CRTC3: variants seen among roughly 807,000 people sequenced by gnomAD.
CRTC3 encodes the protein CREB-regulated transcription coactivator 3.
A neutral mutation model predicts 74.5 loss-of-function variants in CRTC3; 26 were observed. That is an observed-to-expected ratio of 0.35 (90% CI 0.26 to 0.48). The LOEUF (loss-of-function observed/expected upper bound fraction) is 0.48. Ranked by LOEUF, CRTC3 falls within the 20% of genes least tolerant of loss-of-function variation. The pLI is 0.99. For missense variants in CRTC3, 760 were observed against 787.3 expected, an observed-to-expected ratio of 0.97 and a Z score of 0.41; for synonymous variants, 377 against 325.8, an observed-to-expected ratio of 1.16 and a Z score of -1.69.
intron 2 of CRTC3, among the ~76,000 whole-genome samples, chr15:90,554,308 G>A (rs1966872002): frequency 6.6e-6 from 1 of 151,762 alleles, no homozygotes; most frequent in Non-Finnish European, 1.5e-5. Context: ...GGCTCAAGCA[G>A]TTCTCTGCCT....
At chr15:90,551,240 G>C (rs893229474) in intron 2 of CRTC3, among the ~76,000 whole-genome samples, 1 of 152,092 alleles carries the variant, frequency 6.6e-6, no homozygotes, top group African/African-American at 2.4e-5. Context: ...GGAAACTAAA[G>C]TACTAAGCAA....
rs1415659748 is a variant in CRTC3 at position 90,607,562 on chromosome 15, G to A, written c.577+84G>A. Reference sequence around the variant, plus strand: ...CAAGGGAGAGAGAAGCTGAAGTGGTGTTTGCGCTTCCCGGTTCAGTGATCT... The same window carrying A: ...CAAGGGAGAGAGAAGCTGAAGTGGTATTTGCGCTTCCCGGTTCAGTGATCT... On this transcript the variant is annotated intron_variant, in intron 6 of 14. Coordinates refer to ENST00000268184, the MANE Select transcript of CRTC3 (RefSeq NM_022769.5). The A allele has an allele frequency of 6.0e-6, 5 of 834,064 alleles. No individual in the cohort carries two copies. In the African/African-American group the frequency reaches 6.9e-5, roughly 11 times the overall value. 51.7% of individuals were successfully genotyped at this position (834,064 alleles called of 1,614,324 possible). A position where few individuals can be genotyped will look rare whatever the true frequency, so the allele number is the denominator to read the frequency against.
At chr15:90,635,461 A>G (rs887941376) in intron 11 of CRTC3, among the ~76,000 whole-genome samples, 8 of 152,118 alleles carry the variant, frequency 5.3e-5, no homozygotes, top group Non-Finnish European at 1.2e-4. Flanking sequence ...CCTGGCCAAC[A>G]TGGTGAAACC....
chr15:90,540,671 G>A (rs910249605), intron 2 of CRTC3, among the ~76,000 whole-genome samples: 5 of 152,164 alleles, frequency 3.3e-5, no homozygotes, highest in African/African-American at 1.2e-4. Context: ...TACTTGGGAA[G>A]CTGAGGCATG....
chr15:90,551,336 T>C (rs1402111498), intron 2 of CRTC3, among the ~76,000 whole-genome samples: 1 of 38,444 alleles, frequency 2.6e-5, no homozygotes, highest in East Asian at 4.5e-4. Context: ...CCTCTTTTTT[T>C]CTGTGCTTCT....
intron 3 of CRTC3, among the ~76,000 whole-genome samples, chr15:90,601,013 G>A (rs1968054703): frequency 6.6e-6 from 1 of 152,158 alleles, no homozygotes; most frequent in African/African-American, 2.4e-5. Flanking sequence ...GAGCAGAAGA[G>A]ACCATTGTCC....
intron 6 of CRTC3, among the ~76,000 whole-genome samples, chr15:90,609,979 T>G (rs565363659): frequency 2.0e-5 from 3 of 152,364 alleles, no homozygotes; most frequent in African/African-American, 7.2e-5. Flanking sequence ...TGCCTGCTCC[T>G]GCAGTTGCCT....
At chr15:90,606,968 C>T (rs548851616) in intron 5 of CRTC3, 1 of 154,970 alleles carries the variant, frequency 6.5e-6, no homozygotes, top group Non-Finnish European at 1.4e-5. Context: ...GTTTTGCAAA[C>T]CACTGCTCTA....
At position 90,638,598 on chromosome 15, in the gene CRTC3, G is replaced by A; in HGVS notation, c.1419G>A (p.Gln473=). 1 of 1,613,172 alleles carries A rather than the reference G, an allele frequency of 6.2e-7. No individual in the cohort carries two copies. The highest frequency in any genetic ancestry group is 8.5e-7 in the Non-Finnish European group (1 of 1,180,002). Residue 473 remains glutamine, a synonymous_variant, in exon 12 of 15, where the codon CAG becomes CAA. Coordinates refer to ENST00000268184, the MANE Select transcript of CRTC3 (RefSeq NM_022769.5). Reference sequence around the variant, plus strand: ...CTGAGGCCCCTGCCCAGCAGCCCCAGGCAGCCTCCTCACTGCCACAGTCAG... The same window carrying A: ...CTGAGGCCCCTGCCCAGCAGCCCCAAGCAGCCTCCTCACTGCCACAGTCAG... ...RAPEAPAQQP[Q]AASSLPQSDF...
intron 4 of CRTC3, among the ~76,000 whole-genome samples, chr15:90,603,215 G>A (rs549527580): frequency 5.3e-5 from 8 of 151,896 alleles, no homozygotes; most frequent in East Asian, 3.9e-4. Context: ...AGGCCAAGGC[G>A]GGCAGATCAC....
At chr15:90,636,972 C>T (rs1969261358) in intron 11 of CRTC3, among the ~76,000 whole-genome samples, 1 of 152,168 alleles carries the variant, frequency 6.6e-6, no homozygotes, top group Admixed American at 6.5e-5. Context: ...TAAACTAGTT[C>T]AACCATTGTG....
chr15:90,602,627 A>G (rs949150187), intron 4 of CRTC3, among the ~76,000 whole-genome samples: 3 of 148,348 alleles, frequency 2.0e-5, no homozygotes, highest in African/African-American at 7.6e-5. Flanking sequence ...GCAAGACGCC[A>G]TCTCTTAAAA....
chr15:90,612,064 ACCTCCTCCTCCTCCTCCG>A (rs1567184127), intron 6 of CRTC3, among the ~76,000 whole-genome samples: 1 of 20,428 alleles, frequency 4.9e-5, no homozygotes, highest in African/African-American at 1.9e-4. Flanking sequence ...CTCCGCCTCC[ACCTCCTCCTCCTCCTCCG>A]CCTCCTCCTC....
intron 4 of CRTC3, among the ~76,000 whole-genome samples, chr15:90,602,671 CA>C (rs1968102638): frequency 2.6e-5 from 4 of 151,998 alleles, no homozygotes; most frequent in Non-Finnish European, 5.9e-5. Flanking sequence ...ACAACAACAA[CA>C]ACAACAACAA....
intron 2 of CRTC3, among the ~76,000 whole-genome samples, chr15:90,576,207 C>T (rs1393191508): frequency 2.0e-5 from 3 of 151,868 alleles, no homozygotes; most frequent in Admixed American, 6.6e-5. Flanking sequence ...AAATTGAGGC[C>T]AGCCTAGGCA....
chr15:90,616,973 T>C (rs1968509321), intron 7 of CRTC3, among the ~76,000 whole-genome samples: 1 of 152,194 alleles, frequency 6.6e-6, no homozygotes, highest in South Asian at 2.1e-4. Flanking sequence ...ATTTCATCGT[T>C]GTTGCAGGTT....
chr15:90,556,622 T>C (rs962964573), intron 2 of CRTC3, among the ~76,000 whole-genome samples: 3 of 152,196 alleles, frequency 2.0e-5, no homozygotes, highest in Admixed American at 2.0e-4. Flanking sequence ...TGGGGCTTCA[T>C]GGATCTCTGT....
chr15:90,551,211 G>A (rs923742759), intron 2 of CRTC3, among the ~76,000 whole-genome samples: 25 of 151,994 alleles, frequency 1.6e-4, no homozygotes, highest in African/African-American at 6.0e-4. Context: ...TAATGAATGC[G>A]GAATAAATGC....
chr15:90,612,279 T>C (rs948298159), intron 6 of CRTC3, among the ~76,000 whole-genome samples: 2 of 151,628 alleles, frequency 1.3e-5, no homozygotes, highest in South Asian at 2.1e-4. Flanking sequence ...CGTCGCAGAG[T>C]TGCTGTGGGG....
Sources: gnomAD v4.1 joint callset for allele counts (sites outside exome capture counted in the v4.1 genomes callset) on GRCh38, gnomAD v4.1.1 for gene constraint, MANE v1.5 for transcripts, NCBI Gene and HGNC (gene_info 2026-07-23, HGNC 2026-07-21) for gene names.